B3GALT1: variants seen among roughly 807,000 people sequenced by gnomAD.
B3GALT1 encodes UDP-Gal:betaGlcNAc beta 1,3-galactosyltransferase, polypeptide 1.
A neutral mutation model predicts 23.2 loss-of-function variants in B3GALT1; 10 were observed. That is an observed-to-expected ratio of 0.43 (90% CI 0.27 to 0.73). The LOEUF (loss-of-function observed/expected upper bound fraction) is 0.73, where lower values mean the gene tolerates loss of function less well. Among genes scored for constraint, B3GALT1 ranks in the 30% least tolerant of loss-of-function variants. The probability of loss-of-function intolerance (pLI) is 0.21; values close to 1 mark genes in which losing one functional copy is unlikely to be tolerated. For missense variants in B3GALT1, 299 were observed against 405.4 expected (o/e 0.74, Z 2.25); for synonymous variants, 156 against 141.5 (o/e 1.10, Z -0.73).
At chr2:167,699,380 A>T (rs12052495) in intron 3 of B3GALT1, among the ~76,000 whole-genome samples, 5,214 of 100,100 alleles carry the variant, frequency 0.052, 168 homozygotes, top group East Asian at 0.093. Context: ...CATTATTTCT[A>T]TTTTTTTTTT....
chr2:167,573,997 A>G (rs1375230373), intron 2 of B3GALT1, among the ~76,000 whole-genome samples: 2 of 151,674 alleles, frequency 1.3e-5, no homozygotes, highest in Non-Finnish European at 3.0e-5. Context: ...ATCCAATGCA[A>G]CTTCCTAATT....
intron 1 of B3GALT1, among the ~76,000 whole-genome samples, chr2:167,389,153 T>C (rs1050777099): frequency 6.6e-6 from 1 of 152,200 alleles, no homozygotes; most frequent in Non-Finnish European, 1.5e-5. Context: ...TCTGTGCTTC[T>C]GGTGTGCACA....
At chr2:167,325,434 A>G (rs553859478) in intron 1 of B3GALT1, among the ~76,000 whole-genome samples, 1 of 151,986 alleles carries the variant, frequency 6.6e-6, no homozygotes, top group East Asian at 1.9e-4. Context: ...AAGAAGAGAG[A>G]GAGAAGGGAG....
intron 1 of B3GALT1, among the ~76,000 whole-genome samples, chr2:167,387,959 AC>A (rs1185820480): frequency 3.3e-5 from 5 of 152,248 alleles, no homozygotes; most frequent in African/African-American, 1.2e-4. Context: ...GCCACCTATT[AC>A]ATCACTAATG....
At chr2:167,563,424 T>C (rs1291342982) in intron 2 of B3GALT1, among the ~76,000 whole-genome samples, 2 of 82,562 alleles carry the variant, frequency 2.4e-5, no homozygotes, top group African/African-American at 5.0e-5. Context: ...CCCCTCCACC[T>C]CCCTCCCGGA....
chr2:167,370,166 C>T (rs902951084), intron 1 of B3GALT1, among the ~76,000 whole-genome samples: 17 of 152,180 alleles, frequency 1.1e-4, no homozygotes, highest in Admixed American at 9.8e-4. Flanking sequence ...GAGATTTTAA[C>T]ATACTTTATA....
chr2:167,393,442 C>G (rs1159564328), intron 1 of B3GALT1, among the ~76,000 whole-genome samples: 1 of 151,756 alleles, frequency 6.6e-6, no homozygotes, highest in Non-Finnish European at 1.5e-5. Flanking sequence ...CTGAAAGCAA[C>G]ATGGATCTCA....
intron 2 of B3GALT1, among the ~76,000 whole-genome samples, chr2:167,601,831 C>T (rs1433085065): frequency 6.6e-6 from 1 of 152,176 alleles, no homozygotes; most frequent in Non-Finnish European, 1.5e-5. Flanking sequence ...CCCTTCACTT[C>T]AACATAGACA....
intron 4 of B3GALT1, among the ~76,000 whole-genome samples, chr2:167,847,587 C>T (rs576967253): frequency 3.9e-5 from 6 of 152,154 alleles, no homozygotes; most frequent in South Asian, 4.2e-4. Flanking sequence ...ACAGCAAAAA[C>T]GGTGCTAAGA....
chr2:167,837,415 C>A (rs1478573948), intron 4 of B3GALT1, among the ~76,000 whole-genome samples: 6 of 151,352 alleles, frequency 4.0e-5, no homozygotes, highest in African/African-American at 1.2e-4. Flanking sequence ...CAACAAAGAT[C>A]AAAAGAGACA....
At chr2:167,653,014 C>T (rs1461829630) in intron 3 of B3GALT1, among the ~76,000 whole-genome samples, 5 of 152,042 alleles carry the variant, frequency 3.3e-5, no homozygotes, top group Non-Finnish European at 5.9e-5. Context: ...CCTATTAATA[C>T]CTGAGTGCCT....
Position 167,349,469 on chromosome 2 carries a change from T to C in B3GALT1, c.-511+56135T>C, listed in dbSNP as rs143328040. Among the ~76,000 whole-genome samples, 60 of 152,244 alleles carry C rather than the reference T, an allele frequency of 3.9e-4. 4 individuals carry two copies. The East Asian group carries it at 0.012, about 29-fold the overall frequency. On this transcript the variant is annotated intron_variant, in intron 1 of 4. Coordinates refer to ENST00000392690, the MANE Select transcript of B3GALT1 (RefSeq NM_020981.4). ...AAGAGGCCGTAAAGTGCTTCCTTTA[T>C]ATGAAAAAGTGAAAGTTCTTGACTT...
intron 1 of B3GALT1, among the ~76,000 whole-genome samples, chr2:167,294,123 A>G (rs896661495): frequency 2.0e-5 from 3 of 152,088 alleles, no homozygotes; most frequent in Non-Finnish European, 4.4e-5. Flanking sequence ...AGCTTGGTGG[A>G]GGCAGAGCGG....
In B3GALT1 at chr2:167,392,813, T is replaced by C. The variant is rs78202804; in HGVS notation, c.-510-97364T>C. ...ACTTATATTATAATTTATTTTAATTTACATAAATCATTCATGCCAAGAACA... is the reference window on the plus strand; with the variant it reads ...ACTTATATTATAATTTATTTTAATTCACATAAATCATTCATGCCAAGAACA... On this transcript the variant is annotated intron_variant, in intron 1 of 4. Coordinates refer to ENST00000392690, the MANE Select transcript of B3GALT1 (RefSeq NM_020981.4). 1.1e-3 allele frequency among the ~76,000 whole-genome samples: 172 copies of C among 152,308 alleles called. 1 individual carries two copies. The East Asian group carries it at 0.018, about 16-fold the overall frequency.
chr2:167,421,580 GGTTA>G (rs371632021), intron 1 of B3GALT1, among the ~76,000 whole-genome samples: 3 of 152,270 alleles, frequency 2.0e-5, no homozygotes, highest in East Asian at 3.9e-4. Context: ...GGAAGAAAGG[GGTTA>G]GTATTTCAAG....
chr2:167,394,715 G>A (rs1400875466), intron 1 of B3GALT1, among the ~76,000 whole-genome samples: 1 of 152,154 alleles, frequency 6.6e-6, no homozygotes, highest in Non-Finnish European at 1.5e-5. Flanking sequence ...CCCAAAGGAA[G>A]GTGGAAATGA....
intron 1 of B3GALT1, among the ~76,000 whole-genome samples, chr2:167,453,379 G>A (rs543549366): frequency 6.6e-6 from 1 of 152,250 alleles, no homozygotes; most frequent in African/African-American, 2.4e-5. Context: ...TTCACACAAA[G>A]ATTATAATTC....
At chr2:167,427,112 T>G (rs1698633437) in intron 1 of B3GALT1, among the ~76,000 whole-genome samples, 1 of 152,214 alleles carries the variant, frequency 6.6e-6, no homozygotes, top group Admixed American at 6.5e-5. Context: ...CAATATGATT[T>G]AATTTATCCA....
intron 3 of B3GALT1, among the ~76,000 whole-genome samples, chr2:167,752,804 G>A (rs1245929565): frequency 6.6e-6 from 1 of 152,154 alleles, no homozygotes; most frequent in Admixed American, 6.5e-5. Context: ...CTTTGGCAAG[G>A]GCATTTGGGG....
Sources: allele counts gnomAD v4.1 joint callset (sites outside exome capture counted in the v4.1 genomes callset), GRCh38; gene constraint gnomAD v4.1.1; transcripts MANE v1.5; gene names NCBI Gene and HGNC (gene_info 2026-07-23, HGNC 2026-07-21).